Variants in RNF220 observed in about 807,000 individuals in gnomAD.
The protein encoded by RNF220 is E3 ubiquitin-protein ligase RNF220.
Under a neutral mutation model 67.1 loss-of-function variants are expected in RNF220, and 7 were observed. That is an observed-to-expected ratio of 0.10 (90% CI 0.06 to 0.20). The LOEUF is 0.20. RNF220 is among the 10% of genes least tolerant of loss of function. The pLI is 1.00. For missense variants in RNF220, 565 were observed against 740.3 expected, an observed-to-expected ratio of 0.76 and a Z score of 2.75; for synonymous variants, 270 against 283.2, an observed-to-expected ratio of 0.95 and a Z score of 0.47.
intron 6 of RNF220, among the ~76,000 whole-genome samples, chr1:44,633,051 G>A (rs1194039291): frequency 1.3e-5 from 2 of 152,228 alleles, no homozygotes; most frequent in African/African-American, 2.4e-5. Context: ...TTACTGGGGT[G>A]TGGTATCTGG....
intron 2 of RNF220, among the ~76,000 whole-genome samples, chr1:44,585,527 A>G (rs1267440604): frequency 6.6e-6 from 1 of 152,216 alleles, no homozygotes; most frequent in Non-Finnish European, 1.5e-5. Context: ...GCTTTTGCCA[A>G]GGTCAGCAAC....
chr1:44,515,725 C>A (rs1206103074), intron 2 of RNF220, among the ~76,000 whole-genome samples: 1 of 152,212 alleles, frequency 6.6e-6, no homozygotes, highest in East Asian at 1.9e-4. Flanking sequence ...GCTCTCTTGG[C>A]AATCTCAGAG....
chr1:44,422,828 G>A (rs1460602979), intron 2 of RNF220, among the ~76,000 whole-genome samples: 4 of 152,198 alleles, frequency 2.6e-5, no homozygotes, highest in Non-Finnish European at 5.9e-5. Flanking sequence ...TCCCACAGAA[G>A]GAATAGTACT....
At chr1:44,641,725 C>A (rs1271196169) in intron 8 of RNF220, among the ~76,000 whole-genome samples, 1 of 152,024 alleles carries the variant, frequency 6.6e-6, no homozygotes, top group South Asian at 2.1e-4. Flanking sequence ...CAGGCTGGGG[C>A]AGCACAAGAG....
chr1:44,510,038 G>A (rs920596505), intron 2 of RNF220, among the ~76,000 whole-genome samples: 2 of 151,976 alleles, frequency 1.3e-5, no homozygotes, highest in African/African-American at 4.8e-5. Context: ...AGGAGTTTGA[G>A]ACCAGCCTGA....
At position 44,606,847 on chromosome 1, in the gene RNF220, T is replaced by C. The variant is rs1372938301; in HGVS notation, c.626-7318T>C. Among the ~76,000 whole-genome samples the C allele has an allele frequency of 6.6e-6, 1 of 152,210 alleles. No homozygotes were observed. The highest frequency in any genetic ancestry group is 1.5e-5 in the Non-Finnish European group (1 of 68,044). ...CAGTGGTGAGCTTCGGTGCTCTATG[T>C]CAATGTCTCCCGGGTCTAGAACTCT... On this transcript the variant is annotated intron_variant, in intron 2 of 14. Coordinates refer to ENST00000361799, the MANE Select transcript of RNF220 (RefSeq NM_018150.4). The surrounding 1 kb of genome is among the most constrained non-coding windows in gnomAD (Gnocchi z 4.2).
intron 2 of RNF220, among the ~76,000 whole-genome samples, chr1:44,481,782 T>C (rs1012666846): frequency 1.3e-5 from 2 of 151,958 alleles, no homozygotes; most frequent in Non-Finnish European, 2.9e-5. Context: ...TAGCAGTGCA[T>C]GTGTGTGTGT....
Position 44,650,843 on chromosome 1 carries a change from G to A in RNF220, c.*68G>A, listed in dbSNP as rs932220997. On this transcript the variant is annotated 3_prime_UTR_variant, in exon 15 of 15. Coordinates refer to ENST00000361799, the MANE Select transcript of RNF220 (RefSeq NM_018150.4). This position sits in a 1 kb window ranked among gnomAD's most constrained non-coding sequence, Gnocchi z 4.3. ...GCCCCCAGCCTCTGTGACAGTGACC[G>A]TCTCCCTTTGTACATACTTGCACAC... The A allele has an allele frequency of 1.6e-5, 23 of 1,422,104 alleles. No homozygotes were observed. The highest frequency in any genetic ancestry group is 2.3e-5 in the East Asian group (1 of 44,020). The allele number at this position is 1,422,104 out of a possible 1,614,324, so 88.1% of individuals were successfully genotyped here.
chr1:44,477,567 C>G (rs998913734), intron 2 of RNF220, among the ~76,000 whole-genome samples: 3 of 152,210 alleles, frequency 2.0e-5, no homozygotes, highest in East Asian at 1.9e-4. Flanking sequence ...AAAGCATCCA[C>G]AAAAATCTCC....
At position 44,405,379 on chromosome 1, in the gene RNF220, T is replaced by TGCTGCTGCTGCTGCTGCC. The variant is rs1479903632; in HGVS notation, c.-263_-246dup. 2.0e-4 allele frequency: 108 copies of TGCTGCTGCTGCTGCTGCC among 543,474 alleles called. No individual in the cohort carries two copies. Among genetic ancestry groups the TGCTGCTGCTGCTGCTGCC allele is most frequent in the African/African-American group, 6.8e-4 (35 of 51,136 alleles). 33.7% of individuals were successfully genotyped at this position (543,474 alleles called of 1,614,324 possible). ...CACAAACCCGGGGCCAGCCGCCTAC[T>TGCTGCTGCTGCTGCTGCC]GCTGCTGCTGCTGCTGCCGCTGCCG... On this transcript the variant is annotated 5_prime_UTR_variant, in exon 1 of 15. Transcript: ENST00000361799.
intron 2 of RNF220, among the ~76,000 whole-genome samples, chr1:44,567,233 A>G (rs1460799275): frequency 6.6e-6 from 1 of 152,030 alleles, no homozygotes; most frequent in Admixed American, 6.5e-5. Flanking sequence ...GAAGACTTGG[A>G]AGAGTGTTGT....
intron 2 of RNF220, among the ~76,000 whole-genome samples, chr1:44,511,044 C>T (rs1658949977): frequency 6.6e-6 from 1 of 152,108 alleles, no homozygotes; most frequent in African/African-American, 2.4e-5. Flanking sequence ...TGTTTGAGGA[C>T]CTTTTGGTGA....
chr1:44,604,928 T>C (rs1465405323), intron 2 of RNF220, among the ~76,000 whole-genome samples: 1 of 152,154 alleles, frequency 6.6e-6, no homozygotes, highest in Non-Finnish European at 1.5e-5. Context: ...TATATCTAGG[T>C]ATGTGTGTCA....
At chr1:44,503,203 A>T (rs533815971) in intron 2 of RNF220, among the ~76,000 whole-genome samples, 2 of 151,964 alleles carry the variant, frequency 1.3e-5, no homozygotes, top group Non-Finnish European at 2.9e-5. Flanking sequence ...GTATGGTGGC[A>T]CATGCCTGTA....
At chr1:44,536,349 T>TG (rs376351091) in intron 2 of RNF220, among the ~76,000 whole-genome samples, 3 of 152,266 alleles carry the variant, frequency 2.0e-5, no homozygotes, top group African/African-American at 7.2e-5. Flanking sequence ...AATAAGGCAG[T>TG]GGGGGTGAAA....
chr1:44,562,144 G>A (rs1188724666), intron 2 of RNF220, among the ~76,000 whole-genome samples: 1 of 152,172 alleles, frequency 6.6e-6, no homozygotes, highest in African/African-American at 2.4e-5. Context: ...GTGAGAGATG[G>A]TGCCATCTGA....
At chr1:44,589,989 G>A (rs554489600) in intron 2 of RNF220, among the ~76,000 whole-genome samples, 54 of 152,256 alleles carry the variant, frequency 3.5e-4, no homozygotes, top group African/African-American at 1.2e-3. Flanking sequence ...GATGCAAAAC[G>A]CTACAGGAAA....
intron 2 of RNF220, among the ~76,000 whole-genome samples, chr1:44,518,659 G>A (rs946546303): frequency 6.6e-6 from 1 of 152,100 alleles, no homozygotes; most frequent in Non-Finnish European, 1.5e-5. Context: ...GGCAGATCAC[G>A]AGGTCAGAAG....
chr1:44,488,874 C>T (rs1047169640), intron 2 of RNF220, among the ~76,000 whole-genome samples: 13 of 151,618 alleles, frequency 8.6e-5, no homozygotes, highest in Non-Finnish European at 1.5e-4. Context: ...GGACCACAGG[C>T]GCACGCCACC....
Sources: gnomAD v4.1 joint callset for allele counts (sites outside exome capture counted in the v4.1 genomes callset) on GRCh38, gnomAD v4.1.1 for gene constraint, Gnocchi (gnomAD v3.1) non-coding constraint, MANE v1.5 for transcripts, NCBI Gene and HGNC (gene_info 2026-07-23, HGNC 2026-07-21) for gene names.